The following TXNDC16 variants were observed in gnomAD, a reference collection of about 807,000 sequenced individuals.
The protein encoded by TXNDC16 is thioredoxin domain-containing protein 16.
Under a neutral mutation model 85.6 loss-of-function variants are expected in TXNDC16, and 74 were observed. That is an observed-to-expected ratio of 0.86 (90% confidence interval 0.72 to 1.05). The LOEUF (loss-of-function observed/expected upper bound fraction) is 1.05. TXNDC16 is among the 50% of genes least tolerant of loss of function. The probability of loss-of-function intolerance (pLI) is 0.00; values close to 1 mark genes in which losing one functional copy is unlikely to be tolerated. For missense variants in TXNDC16, 959 were observed against 947.0 expected (o/e 1.01, Z -0.17); for synonymous variants, 335 against 326.5 (o/e 1.03, Z -0.28).
intron 1 of TXNDC16, among the ~76,000 whole-genome samples, chr14:52,550,335 A>C (rs1489007408): frequency 1.3e-5 from 2 of 152,234 alleles, no homozygotes; most frequent in Non-Finnish European, 2.9e-5. Context: ...ACTGGAGAAC[A>C]GAACCTGCTC....
intron 16 of TXNDC16, among the ~76,000 whole-genome samples, chr14:52,459,423 A>G (rs1317566681): frequency 6.6e-6 from 1 of 152,214 alleles, no homozygotes; most frequent in Admixed American, 6.5e-5. Flanking sequence ...AACTTGAATC[A>G]GTAATAAATA....
chr14:52,432,558 G>A lies in TXNDC16; in HGVS notation c.2224C>T (p.Pro742Ser). The change falls in exon 21 of 21, where the codon CCT (proline) becomes TCT (serine). Residue 742 changes from proline (P) to serine (S), a missense_variant. Transcript: ENST00000281741. ...CTTAGAAAATCATAAGCTGGAAGAGGAGGTTTCCATTCTTGAGCAGGTAAA... is the reference window on the plus strand; with the variant it reads ...CTTAGAAAATCATAAGCTGGAAGAGAAGGTTTCCATTCTTGAGCAGGTAAA... ...TILPAQEWKPPLPAYDFLSMI... is the reference protein window; with the variant it reads ...TILPAQEWKPSLPAYDFLSMI... 1 of 1,611,102 alleles carries A rather than the reference G, an allele frequency of 6.2e-7. No individual in the cohort carries two copies. The highest frequency in any genetic ancestry group is 8.5e-7 in the Non-Finnish European group (1 of 1,178,944).
chr14:52,433,373 A>G (rs2034952164), intron 20 of TXNDC16, among the ~76,000 whole-genome samples: 2 of 152,208 alleles, frequency 1.3e-5, no homozygotes, highest in Admixed American at 1.3e-4. Flanking sequence ...AAATAGTTTC[A>G]GAATTTAGTT....
At chr14:52,459,170 C>T (rs17831784) in intron 16 of TXNDC16, among the ~76,000 whole-genome samples, 1,622 of 152,222 alleles carry the variant, frequency 0.011, 12 homozygotes, top group Admixed American at 0.017. Context: ...ATTTTTTCTA[C>T]TATCACATCT....
At chr14:52,529,412 G>C in intron 6 of TXNDC16, among the ~76,000 whole-genome samples, 1 of 149,700 alleles carries the variant, frequency 6.7e-6, no homozygotes, top group East Asian at 1.9e-4. Context: ...ACATGACACA[G>C]GTATACATAT....
chr14:52,455,246 A>C, intron 18 of TXNDC16, 78 bp downstream of exon 18: 1 of 1,542,698 alleles, frequency 6.5e-7, no homozygotes, highest in Non-Finnish European at 8.8e-7. Context: ...AAAATGGAAA[A>C]ATGTGTATGA....
At chr14:52,458,919 A>G (rs1050961227) in intron 16 of TXNDC16, among the ~76,000 whole-genome samples, 11 of 152,360 alleles carry the variant, frequency 7.2e-5, no homozygotes, top group Non-Finnish European at 1.3e-4. Context: ...GGGAAAATAT[A>G]TGACTGTAGA....
At chr14:52,441,631 AC>A (rs1176402097) in intron 18 of TXNDC16, among the ~76,000 whole-genome samples, 2 of 152,052 alleles carry the variant, frequency 1.3e-5, no homozygotes, top group South Asian at 4.1e-4. Context: ...AAAAACAAAA[AC>A]AAAAACAAGA....
intron 6 of TXNDC16, among the ~76,000 whole-genome samples, chr14:52,528,321 A>G (rs2037386244): frequency 6.6e-6 from 1 of 152,206 alleles, no homozygotes; most frequent in South Asian, 2.1e-4. Flanking sequence ...AGTAACACAT[A>G]TTCTCTAACG....
intron 9 of TXNDC16, among the ~76,000 whole-genome samples, chr14:52,497,112 A>C (rs1333151071): frequency 6.6e-6 from 1 of 152,172 alleles, no homozygotes; most frequent in Non-Finnish European, 1.5e-5. Context: ...ATTTTTCTAC[A>C]ATTCATGTAT....
intron 9 of TXNDC16, among the ~76,000 whole-genome samples, chr14:52,496,573 G>A (rs1391759044): frequency 6.6e-6 from 1 of 150,612 alleles, no homozygotes; most frequent in Non-Finnish European, 1.5e-5. Context: ...TTAAAATCTT[G>A]TGGGTTTCCT....
In TXNDC16 at chr14:52,470,521, A is replaced by C; in HGVS notation, c.1472T>G (p.Phe491Cys). 1 of 1,612,336 alleles carries C rather than the reference A, an allele frequency of 6.2e-7. No individual in the cohort carries two copies. Among genetic ancestry groups the C allele is most frequent in the Non-Finnish European group, 8.5e-7 (1 of 1,179,364 alleles). ...GMLGTEDLLK[F>C]IQLNRISYPV... ...GAAGCTGAATACTTACAGCTGGATA[A>C]ATTTTAGGAGATCTTCGGTTCCTAA... Residue 491 changes from phenylalanine to cysteine, a missense_variant, in exon 15 of 21, where the codon TTT (phenylalanine) becomes TGT (cysteine). By Grantham distance (205) the Phe-to-Cys change is radical. Coordinates refer to ENST00000281741, the MANE Select transcript of TXNDC16 (RefSeq NM_020784.3).
rs1239351706 is a variant in TXNDC16, at chr14:52,431,170, C to T, written c.*1134G>A. On this transcript the variant is annotated 3_prime_UTR_variant, in exon 21 of 21. Coordinates refer to ENST00000281741, the MANE Select transcript of TXNDC16 (RefSeq NM_020784.3). Reference sequence around the variant, plus strand: ...AAAATTAACTCTTTGGCTAATCTTTCCCTCCCTCACAGAATGAGGCCGTGT... The same window carrying T: ...AAAATTAACTCTTTGGCTAATCTTTTCCTCCCTCACAGAATGAGGCCGTGT... 2 of 152,312 alleles carry T rather than the reference C, an allele frequency of 1.3e-5. No homozygotes were observed. Among genetic ancestry groups the T allele is most frequent in the Non-Finnish European group, 1.5e-5 (1 of 68,034 alleles). The allele number at this position is 152,312 out of a possible 1,614,324, so 9.4% of individuals were successfully genotyped here. A position where few individuals can be genotyped will look rare whatever the true frequency, so the allele number is the denominator to read the frequency against.
chr14:52,480,961 G>GTATA (rs1284906734), intron 14 of TXNDC16, among the ~76,000 whole-genome samples: 1 of 118,566 alleles, frequency 8.4e-6, no homozygotes, highest in African/African-American at 3.2e-5. Flanking sequence ...GTGTGTGTGT[G>GTATA]TATATATATA....
At chr14:52,472,903 T>C (rs895380475) in intron 14 of TXNDC16, among the ~76,000 whole-genome samples, 1 of 152,170 alleles carries the variant, frequency 6.6e-6, no homozygotes, top group African/African-American at 2.4e-5. Flanking sequence ...AACTAAGGAC[T>C]AGACGTTTCC....
At chr14:52,432,985 G>C (rs995851328) in intron 20 of TXNDC16, among the ~76,000 whole-genome samples, 1 of 152,130 alleles carries the variant, frequency 6.6e-6, no homozygotes, top group Non-Finnish European at 1.5e-5. Flanking sequence ...CCAAAGAAAT[G>C]TAACTATTTC....
At chr14:52,457,578 A>T (rs1314373300) in intron 16 of TXNDC16, among the ~76,000 whole-genome samples, 1 of 152,198 alleles carries the variant, frequency 6.6e-6, no homozygotes, top group African/African-American at 2.4e-5. Flanking sequence ...TATAACCATA[A>T]AATCTGAAAG....
chr14:52,537,477 G>C, intron 5 of TXNDC16, 122 bp downstream of exon 5: 1 of 719,618 alleles, frequency 1.4e-6, no homozygotes, highest in Non-Finnish European at 2.3e-6. Context: ...TGGACTTTTG[G>C]TTAAGCTTTA....
chr14:52,495,878 C>T (rs1041542684), intron 9 of TXNDC16, among the ~76,000 whole-genome samples: 1 of 152,082 alleles, frequency 6.6e-6, no homozygotes, highest in East Asian at 1.9e-4. Context: ...AGAGACAGAT[C>T]GGCCACCATG....
Sources: gnomAD v4.1 joint callset for allele counts (sites outside exome capture counted in the v4.1 genomes callset) on GRCh38, gnomAD v4.1.1 for gene constraint, MANE v1.5 for transcripts, NCBI Gene and HGNC (gene_info 2026-07-23, HGNC 2026-07-21) for gene names.